CADM2: variants seen among roughly 807,000 people sequenced by gnomAD.
CADM2 encodes immunoglobulin superfamily member 4D.
A neutral mutation model predicts 49.8 loss-of-function variants in CADM2; 12 were observed. That is an observed-to-expected ratio of 0.24 (90% CI 0.15 to 0.39). The LOEUF (loss-of-function observed/expected upper bound fraction) is 0.39, where lower values mean the gene tolerates loss of function less well. CADM2 is among the 10% of genes least tolerant of loss of function. The pLI is 1.00. For missense variants in CADM2, 378 were observed against 492.3 expected, an observed-to-expected ratio of 0.77 and a Z score of 2.20; for synonymous variants, 214 against 175.4, an observed-to-expected ratio of 1.22 and a Z score of -1.74.
chr3:85,682,736 A>C (rs1053654895), intron 1 of CADM2, among the ~76,000 whole-genome samples: 4 of 152,122 alleles, frequency 2.6e-5, no homozygotes, highest in African/African-American at 9.7e-5. Flanking sequence ...TTCAAGAAAG[A>C]GACAAATTAA....
chr3:85,207,479 T>C (rs911023543), intron 1 of CADM2, among the ~76,000 whole-genome samples: 3 of 152,184 alleles, frequency 2.0e-5, no homozygotes, highest in Non-Finnish European at 4.4e-5. Context: ...CTCATGTCTT[T>C]CTATTTCATA....
At chr3:86,026,881 A>T (rs1370311810) in intron 8 of CADM2, among the ~76,000 whole-genome samples, 1 of 152,280 alleles carries the variant, frequency 6.6e-6, no homozygotes, top group South Asian at 2.1e-4. Context: ...AATAAAATAT[A>T]TTGGTTCAAA....
chr3:85,475,056 C>G (rs1051602464), intron 1 of CADM2, among the ~76,000 whole-genome samples: 2 of 151,900 alleles, frequency 1.3e-5, no homozygotes, highest in African/African-American at 2.4e-5. Flanking sequence ...TCTTGGAAAA[C>G]ATAAAGCAAC....
intron 1 of CADM2, among the ~76,000 whole-genome samples, chr3:85,187,118 A>G (rs906384311): frequency 1.1e-4 from 16 of 152,286 alleles, no homozygotes; most frequent in African/African-American, 3.8e-4. Context: ...GGAAATTGGT[A>G]TGCAGAGGAT....
chr3:85,084,499 A>G (rs1266891056), intron 1 of CADM2, among the ~76,000 whole-genome samples: 3 of 152,208 alleles, frequency 2.0e-5, no homozygotes, highest in Non-Finnish European at 4.4e-5. Context: ...TAGAGTAGCC[A>G]CTAGCCACAT....
At chr3:85,185,219 A>G (rs2041029274) in intron 1 of CADM2, among the ~76,000 whole-genome samples, 1 of 152,034 alleles carries the variant, frequency 6.6e-6, no homozygotes, top group Admixed American at 6.6e-5. Flanking sequence ...TCCCAGCAGC[A>G]CTATGACTAA....
intron 1 of CADM2, among the ~76,000 whole-genome samples, chr3:85,241,977 A>G (rs1457828242): frequency 6.6e-6 from 1 of 151,352 alleles, no homozygotes; most frequent in East Asian, 1.9e-4. Flanking sequence ...GCTGATATTA[A>G]TAGAGTAGTT....
At chr3:85,543,835 A>G (rs1176306044) in intron 1 of CADM2, among the ~76,000 whole-genome samples, 1 of 152,130 alleles carries the variant, frequency 6.6e-6, no homozygotes, top group Non-Finnish European at 1.5e-5. Context: ...ATCATCATGA[A>G]TTGAACATCT....
At chr3:85,651,405 T>C (rs940410823) in intron 1 of CADM2, among the ~76,000 whole-genome samples, 1 of 152,162 alleles carries the variant, frequency 6.6e-6, no homozygotes, top group Non-Finnish European at 1.5e-5. Flanking sequence ...TCCTAAGGAT[T>C]GTATAACAGT....
intron 1 of CADM2, among the ~76,000 whole-genome samples, chr3:85,057,400 G>A: frequency 6.6e-6 from 1 of 151,580 alleles, no homozygotes. Context: ...ACAAATTCAG[G>A]ATACACATCA....
chr3:85,359,399 G>A (rs754732090), intron 1 of CADM2, among the ~76,000 whole-genome samples: 3 of 151,510 alleles, frequency 2.0e-5, no homozygotes, highest in Admixed American at 6.6e-5. Flanking sequence ...AGAGGCAGGG[G>A]CAATGTGTAC....
intron 1 of CADM2, among the ~76,000 whole-genome samples, chr3:85,044,915 G>T (rs967447597): frequency 5.3e-5 from 8 of 150,818 alleles, no homozygotes; most frequent in South Asian, 2.1e-4. Context: ...TTCAAAATTG[G>T]GCCCATACAA....
intron 2 of CADM2, among the ~76,000 whole-genome samples, chr3:85,791,944 C>T (rs191663204): frequency 4.6e-5 from 7 of 152,222 alleles, no homozygotes; most frequent in African/African-American, 1.4e-4. Flanking sequence ...AGGATGGTCT[C>T]GATCTCCTGA....
At chr3:85,741,234 C>T (rs2068370729) in intron 2 of CADM2, among the ~76,000 whole-genome samples, 2 of 151,998 alleles carry the variant, frequency 1.3e-5, no homozygotes, top group Non-Finnish European at 1.5e-5. Context: ...TTCAGCCAAT[C>T]GCTGCCCTGT....
intron 1 of CADM2, among the ~76,000 whole-genome samples, chr3:84,991,719 C>T (rs1294114206): frequency 2.6e-5 from 4 of 152,126 alleles, no homozygotes; most frequent in Non-Finnish European, 5.9e-5. Context: ...AGCAGTTTTA[C>T]TCATAATTGT....
In CADM2 at chr3:85,341,478, A is replaced by G. The variant is rs73130780; in HGVS notation, c.61+381810A>G. ...AAGCTTCTGGCAAAGAGCTTGGAAA[A>G]TCCTAGTTAAAATGAGTCATATAGA... On this transcript the variant is annotated intron_variant, in intron 1 of 9. Coordinates refer to ENST00000383699, the MANE Select transcript of CADM2 (RefSeq NM_001167675.2). 9.4e-4 allele frequency among the ~76,000 whole-genome samples: 143 copies of G among 152,078 alleles called. 1 individual carries two copies. Among genetic ancestry groups the G allele is most frequent in the Non-Finnish European group, 1.8e-3 (120 of 67,892 alleles).
intron 7 of CADM2, among the ~76,000 whole-genome samples, chr3:85,958,716 C>T (rs757565664): frequency 1.3e-5 from 2 of 151,828 alleles, no homozygotes; most frequent in Non-Finnish European, 2.9e-5. Context: ...TACTATGCAG[C>T]CATAAAAAGG....
At chr3:85,613,895 C>G (rs1354987898) in intron 1 of CADM2, among the ~76,000 whole-genome samples, 2 of 151,596 alleles carry the variant, frequency 1.3e-5, no homozygotes, top group African/African-American at 4.8e-5. Context: ...TTTATAAATT[C>G]ACTAAGAATC....
chr3:85,533,367 A>G (rs1367343737), intron 1 of CADM2, among the ~76,000 whole-genome samples: 1 of 152,224 alleles, frequency 6.6e-6, no homozygotes, highest in Non-Finnish European at 1.5e-5. Context: ...ACTGATTTAT[A>G]TGTGAAACTA....
Sources: gnomAD v4.1 joint callset for allele counts (sites outside exome capture counted in the v4.1 genomes callset) on GRCh38, gnomAD v4.1.1 for gene constraint, MANE v1.5 for transcripts, NCBI Gene and HGNC (gene_info 2026-07-23, HGNC 2026-07-21) for gene names.